Variants in MYLK observed in about 807,000 individuals in gnomAD.
MYLK encodes myosin light chain kinase, smooth muscle.
Under a neutral mutation model 203.4 loss-of-function variants are expected in MYLK, and 106 were observed. The observed-to-expected ratio is 0.52, with a 90% CI of 0.45 to 0.61. The LOEUF is 0.61. Among genes scored for constraint, MYLK ranks in the 20% least tolerant of loss-of-function variants. The probability of loss-of-function intolerance (pLI) is 0.00; values close to 1 mark genes in which losing one functional copy is unlikely to be tolerated. For missense variants in MYLK, 2,072 were observed against 2,442.3 expected (o/e 0.85, Z 3.20); for synonymous variants, 867 against 959.5 (o/e 0.90, Z 1.78).
chr3:123,853,781 A>T (rs2031086951), intron 2 of MYLK, among the ~76,000 whole-genome samples: 2 of 152,166 alleles, frequency 1.3e-5, no homozygotes, highest in African/African-American at 4.8e-5. Flanking sequence ...CATATTTTGC[A>T]TGCATGAGAA....
intron 27 of MYLK, 59 bp downstream of exon 27, chr3:123,647,165 G>A: frequency 6.6e-7 from 1 of 1,511,048 alleles, no homozygotes; most frequent in Non-Finnish European, 9.2e-7. Flanking sequence ...TAGGGCAGTA[G>A]GGGAGACACG....
rs923479264 is a variant in MYLK, at chr3:123,613,130, G to A, written c.*975C>T. ...AGATGTATTAAACTCTGGCTATCTTGGAGGAGATTCCAAAGTACATGGAGT... is the reference window on the plus strand; with the variant it reads ...AGATGTATTAAACTCTGGCTATCTTAGAGGAGATTCCAAAGTACATGGAGT... On this transcript the variant is annotated 3_prime_UTR_variant, in exon 34 of 34. Coordinates refer to ENST00000360304, the MANE Select transcript of MYLK (RefSeq NM_053025.4). 29 of 152,340 alleles carry A rather than the reference G, an allele frequency of 1.9e-4. No homozygotes were observed. Among genetic ancestry groups the A allele is most frequent in the African/African-American group, 7.0e-4 (29 of 41,584 alleles). The allele number at this position is 152,340 out of a possible 1,614,324, so 9.4% of individuals were successfully genotyped here.
intron 2 of MYLK, among the ~76,000 whole-genome samples, chr3:123,843,158 T>C (rs765604644): frequency 6.6e-6 from 1 of 152,204 alleles, no homozygotes; most frequent in African/African-American, 2.4e-5. Context: ...CAGCAGTCCA[T>C]GGGTCAAAGC....
chr3:123,880,505 A>G (rs75556250), intron 1 of MYLK, among the ~76,000 whole-genome samples: 3,048 of 152,216 alleles, frequency 0.02, 87 homozygotes, highest in African/African-American at 0.069. Flanking sequence ...AAGAAAAGGA[A>G]ATCCTCTCCT....
intron 19 of MYLK, among the ~76,000 whole-genome samples, chr3:123,686,639 T>A (rs1329332420): frequency 6.6e-6 from 1 of 151,864 alleles, no homozygotes; most frequent in Non-Finnish European, 1.5e-5. Flanking sequence ...TGCTTAGGAG[T>A]TGTGAGTCCC....
intron 20 of MYLK, among the ~76,000 whole-genome samples, chr3:123,675,333 G>A (rs1212115048): frequency 6.6e-6 from 1 of 152,180 alleles, no homozygotes; most frequent in Non-Finnish European, 1.5e-5. Context: ...TAATTGTTCA[G>A]GTAATCTGTT....
intron 13 of MYLK, among the ~76,000 whole-genome samples, chr3:123,720,287 A>T (rs1368855960): frequency 6.6e-6 from 1 of 152,010 alleles, no homozygotes; most frequent in East Asian, 1.9e-4. Context: ...AGAATTCTTG[A>T]TCCTTTGCCT....
chr3:123,825,291 A>G (rs1311812108), intron 3 of MYLK, among the ~76,000 whole-genome samples: 1 of 152,226 alleles, frequency 6.6e-6, no homozygotes, highest in East Asian at 1.9e-4. Context: ...AGTGTTAGAA[A>G]GTAGCAGGGC....
At chr3:123,638,846 A>G in intron 28 of MYLK, 3 of 985,426 alleles carry the variant, frequency 3.0e-6, no homozygotes, top group Non-Finnish European at 3.6e-6. Context: ...TCTTGGCCAT[A>G]AAGGACCAGA....
intron 2 of MYLK, among the ~76,000 whole-genome samples, chr3:123,842,469 C>A (rs1241533459): frequency 1.3e-5 from 2 of 152,116 alleles, no homozygotes; most frequent in Admixed American, 6.5e-5. Context: ...TCACCATGGG[C>A]AAAAAAGCTT....
At chr3:123,686,803 G>C (rs966614842) in intron 19 of MYLK, among the ~76,000 whole-genome samples, 1 of 152,216 alleles carries the variant, frequency 6.6e-6, no homozygotes, top group Non-Finnish European at 1.5e-5. Context: ...ACGGTGCTAA[G>C]TACTTTGTAT....
intron 3 of MYLK, among the ~76,000 whole-genome samples, chr3:123,830,402 TTAA>T (rs1390232326): frequency 6.6e-6 from 1 of 152,178 alleles, no homozygotes; most frequent in Non-Finnish European, 1.5e-5. Context: ...AAAAATTCCT[TTAA>T]TGTTATGGGA....
intron 16 of MYLK, among the ~76,000 whole-genome samples, chr3:123,702,778 C>T (rs533831887): frequency 3.3e-5 from 5 of 152,268 alleles, no homozygotes; most frequent in Middle Eastern, 3.4e-3. Context: ...TGCTTGAGCT[C>T]GCACGTTTGA....
chr3:123,760,407 A>G (rs1455710066), intron 4 of MYLK, among the ~76,000 whole-genome samples: 1 of 152,166 alleles, frequency 6.6e-6, no homozygotes, highest in Admixed American at 6.5e-5. Context: ...TGAACTCCCG[A>G]CCTAAGGTGA....
chr3:123,685,823 G>C (rs1461727537), intron 19 of MYLK, among the ~76,000 whole-genome samples: 1 of 152,066 alleles, frequency 6.6e-6, no homozygotes, highest in Non-Finnish European at 1.5e-5. Flanking sequence ...CCTGTAATGT[G>C]CTTTGAGTCT....
chr3:123,683,711 T>A (rs745754759), intron 19 of MYLK, among the ~76,000 whole-genome samples: 16 of 152,058 alleles, frequency 1.1e-4, no homozygotes, highest in Non-Finnish European at 2.2e-4. Context: ...CAGACAGGCC[T>A]CCGGGGGCTG....
chr3:123,626,662 C>G (rs2058161974), intron 31 of MYLK, among the ~76,000 whole-genome samples, 156 bp downstream of exon 31: 1 of 152,206 alleles, frequency 6.6e-6, no homozygotes, highest in Non-Finnish European at 1.5e-5. Flanking sequence ...AAGCAAACCA[C>G]TGTACCTTAA....
chr3:123,682,257 T>C lies in MYLK; in HGVS notation c.3619A>G (p.Lys1207Glu), dbSNP rs1275661070. ...KAPEMKSRRP[K>E]SSLPPVLGTE... ...CCTAGCACGGGAGGAAGAGAGCTCT[T>C]GGGCCTCCGGGATTTCATCTCTGGG... Residue 1207 changes from lysine to glutamate, a missense_variant, in exon 20 of 34, where the codon AAG becomes GAG. Lys to Glu is a moderately conservative substitution (Grantham distance 56, BLOSUM62 1). This residue lies in a region of MYLK where 865 missense variants were observed against 1,016.0 expected (regional missense o/e 0.85). Coordinates refer to ENST00000360304, the MANE Select transcript of MYLK (RefSeq NM_053025.4). 6.2e-7 allele frequency: 1 copy of C among 1,603,900 alleles called. No individual in the cohort carries two copies. Among genetic ancestry groups the C allele is most frequent in the African/African-American group, 1.3e-5 (1 of 74,966 alleles).
intron 13 of MYLK, among the ~76,000 whole-genome samples, chr3:123,720,441 G>A (rs73200092): frequency 3.3e-5 from 5 of 152,130 alleles, no homozygotes; most frequent in African/African-American, 4.8e-5. Context: ...GAGCCACGGC[G>A]GCTCTACGTG....
Sources: gnomAD v4.1 joint callset for allele counts (sites outside exome capture counted in the v4.1 genomes callset) on GRCh38, gnomAD v4.1.1 for gene constraint, gnomAD v4.1.1 regional missense constraint, MANE v1.5 for transcripts, NCBI Gene and HGNC (gene_info 2026-07-23, HGNC 2026-07-21) for gene names.